Variants in IRAK1BP1 observed in about 807,000 individuals in gnomAD.
The protein encoded by IRAK1BP1 is interleukin-1 receptor-associated kinase 1-binding protein 1.
Under a neutral mutation model 28.0 loss-of-function variants are expected in IRAK1BP1, and 24 were observed. The observed-to-expected ratio is 0.86, with a 90% CI of 0.62 to 1.20. The LOEUF is 1.20. Ranked by LOEUF, IRAK1BP1 falls within the 50% of genes most tolerant of loss-of-function variation. The pLI is 0.00. For synonymous variants in IRAK1BP1, 131 were observed against 116.3 expected, an observed-to-expected ratio of 1.13 and a Z score of -0.81; for missense variants, 336 against 316.7, an observed-to-expected ratio of 1.06 and a Z score of -0.46.
At chr6:78,944,945 A>C (rs1773719751) in intron 4 of IRAK1BP1, among the ~76,000 whole-genome samples, 2 of 149,868 alleles carry the variant, frequency 1.3e-5, no homozygotes, top group East Asian at 4.1e-4. Context: ...CCAATGAATT[A>C]TTATTTAGTA....
rs1773273993 is a variant in IRAK1BP1, at chr6:78,936,436, A to G, written c.*68-8972A>G. On this transcript the variant is annotated intron_variant and NMD_transcript_variant, in intron 4 of 4. Coordinates refer to the IRAK1BP1 transcript ENST00000606868. ...GTATTGTCTCATGTTATAGTCTATC[A>G]TTGTGACTAATCAACACACACAATC... is the stretch of plus-strand genomic sequence containing the variant. 3 of 151,982 alleles carry G rather than the reference A, an allele frequency of 2.0e-5. No homozygotes were observed. In the South Asian group the frequency reaches 6.2e-4, roughly 31 times the overall value. 9.4% of individuals were successfully genotyped at this position (151,982 alleles called of 1,614,324 possible).
intron 4 of IRAK1BP1, among the ~76,000 whole-genome samples, chr6:78,932,517 G>A (rs1773085255): frequency 6.7e-6 from 1 of 149,116 alleles, no homozygotes; most frequent in Non-Finnish European, 1.5e-5. Context: ...CACCTCCCAG[G>A]TTCAAGCAAT....
At chr6:78,946,453 T>C, downstream of IRAK1BP1, 1 of 1,403,104 alleles carries the variant, frequency 7.1e-7, no homozygotes, top group Non-Finnish European at 9.2e-7. Flanking sequence ...ATGCTAAAGT[T>C]ATATGACGGA....
chr6:78,974,105 A>T, the IRAK1BP1 span, among the ~76,000 whole-genome samples: 4 of 152,060 alleles, frequency 2.6e-5, no homozygotes, highest in Admixed American at 6.6e-5. Context: ...ACCTATTCCA[A>T]AATTGACCAC....
At chr6:78,905,791 C>T (rs1294057387), downstream of IRAK1BP1, among the ~76,000 whole-genome samples, 4 of 152,072 alleles carry the variant, frequency 2.6e-5, no homozygotes, top group Non-Finnish European at 5.9e-5. Flanking sequence ...TTAGTAGAGA[C>T]AGGGTTTCAC....
At chr6:78,879,369 TAAAA>T (rs988868228) in intron 1 of IRAK1BP1, among the ~76,000 whole-genome samples, 2 of 151,918 alleles carry the variant, frequency 1.3e-5, no homozygotes, top group Non-Finnish European at 2.9e-5. Flanking sequence ...TTTAAAAAAA[TAAAA>T]AAATCACTGG....
chr6:78,970,132 C>G, the IRAK1BP1 span: 1 of 1,611,660 alleles, frequency 6.2e-7, no homozygotes, highest in Non-Finnish European at 8.5e-7. Context: ...TAGGTAATCC[C>G]ACTTCATACT....
downstream of IRAK1BP1, among the ~76,000 whole-genome samples, chr6:78,906,509 A>G (rs1031092010): frequency 6.6e-6 from 1 of 152,222 alleles, no homozygotes; most frequent in African/African-American, 2.4e-5. Context: ...GTTCGTGTTT[A>G]TCTTAAAGCT....
chr6:78,924,860 C>T (rs1019345240), intron 4 of IRAK1BP1, among the ~76,000 whole-genome samples: 22 of 152,152 alleles, frequency 1.4e-4, no homozygotes, highest in Non-Finnish European at 2.5e-4. Flanking sequence ...TATAAAGAGA[C>T]ATGCACACAT....
downstream of IRAK1BP1, among the ~76,000 whole-genome samples, chr6:78,949,184 G>A (rs1258516711): frequency 1.3e-5 from 2 of 152,050 alleles, no homozygotes; most frequent in African/African-American, 4.8e-5. Context: ...GGTTTTCTTA[G>A]GGGTTTTATA....
chr6:78,963,807 A>G, the IRAK1BP1 span, among the ~76,000 whole-genome samples: 2 of 152,182 alleles, frequency 1.3e-5, no homozygotes, highest in Non-Finnish European at 2.9e-5. Flanking sequence ...GTAACCCAAA[A>G]TCTAGAAACG....
intron 4 of IRAK1BP1, among the ~76,000 whole-genome samples, chr6:78,921,611 G>T (rs1268430427): frequency 6.6e-6 from 1 of 152,206 alleles, no homozygotes; most frequent in African/African-American, 2.4e-5. Context: ...GATCTGAGAA[G>T]GGACAGACTG....
chr6:78,952,320 G>A, the IRAK1BP1 span, among the ~76,000 whole-genome samples: 189 of 151,166 alleles, frequency 1.3e-3, 1 homozygote, highest in South Asian at 0.012. Context: ...TCGTGAGGCC[G>A]AGGCAGGAGA....
At chr6:78,888,481 G>A (rs1323274999) in intron 2 of IRAK1BP1, among the ~76,000 whole-genome samples, 1 of 151,536 alleles carries the variant, frequency 6.6e-6, no homozygotes, top group East Asian at 1.9e-4. Flanking sequence ...CTAAATATGT[G>A]CAGTTTTTAT....
downstream of IRAK1BP1, chr6:78,946,932 G>C (rs1186918637): frequency 1.1e-6 from 1 of 931,748 alleles, no homozygotes; most frequent in South Asian, 1.7e-5. Context: ...CCTTTGTTCA[G>C]TAAATACTGT....
chr6:78,973,002 G>A, the IRAK1BP1 span, among the ~76,000 whole-genome samples: 6 of 152,076 alleles, frequency 3.9e-5, no homozygotes, highest in Admixed American at 1.3e-4. Context: ...GCAGGCCAAC[G>A]TTGAGATTCA....
At chr6:78,921,024 C>T (rs1477664356) in intron 4 of IRAK1BP1, among the ~76,000 whole-genome samples, 2 of 152,294 alleles carry the variant, frequency 1.3e-5, no homozygotes, top group African/African-American at 2.4e-5. Flanking sequence ...ATGATTTCTG[C>T]ATTTCCAACT....
chr6:78,978,383 A>C, the IRAK1BP1 span, among the ~76,000 whole-genome samples: 1 of 152,114 alleles, frequency 6.6e-6, no homozygotes, highest in African/African-American at 2.4e-5. Context: ...CAAAATTTTC[A>C]TTCTTATAAT....
chr6:78,945,922 A>G, exon 5 of IRAK1BP1: 1 of 964,016 alleles, frequency 1.0e-6, no homozygotes, highest in Non-Finnish European at 1.6e-6. Flanking sequence ...ACTAAAACTC[A>G]GTATATTGCA....
Sources: allele counts gnomAD v4.1 joint callset (sites outside exome capture counted in the v4.1 genomes callset), GRCh38; gene constraint gnomAD v4.1.1; transcripts MANE v1.5; gene names NCBI Gene and HGNC (gene_info 2026-07-23, HGNC 2026-07-21).